The following EVI5 variants were observed in gnomAD, a reference collection of about 807,000 sequenced individuals.
EVI5 encodes ecotropic viral integration site 5 protein homolog.
EVI5 carries 73 observed loss-of-function variants against 112.0 expected under a neutral mutation model. The observed-to-expected ratio is 0.65, with a 90% CI of 0.54 to 0.79. The LOEUF is 0.79. Ranked by LOEUF, EVI5 falls within the 30% of genes least tolerant of loss-of-function variation. EVI5 has a pLI of 0.00. For missense variants in EVI5, 900 were observed against 968.8 expected (o/e 0.93, Z 0.94); for synonymous variants, 305 against 319.9 (o/e 0.95, Z 0.50).
At chr1:92,779,410 C>T (rs1684572669) in intron 1 of EVI5, among the ~76,000 whole-genome samples, 1 of 151,872 alleles carries the variant, frequency 6.6e-6, no homozygotes, top group Non-Finnish European at 1.5e-5. Flanking sequence ...GTAATACCAG[C>T]TACTTGGAGG....
At chr1:92,726,564 GA>G (rs1486216327) in intron 2 of EVI5, among the ~76,000 whole-genome samples, 2 of 151,988 alleles carry the variant, frequency 1.3e-5, no homozygotes, top group Non-Finnish European at 2.9e-5. Flanking sequence ...AAATGTTAAA[GA>G]AAAAGTATTT....
chr1:92,607,409 C>A (rs1650661554), intron 17 of EVI5, 172 bp downstream of exon 17: 1 of 451,090 alleles, frequency 2.2e-6, no homozygotes, highest in East Asian at 3.6e-5. Flanking sequence ...ACCCCAGAAG[C>A]AAGATGAGCT....
rs1674832448 is a variant in EVI5 at position 92,722,024 on chromosome 1, C to T, written c.149+14374G>A. On this transcript the variant is annotated intron_variant, in intron 2 of 19. Coordinates refer to ENST00000684568, the MANE Select transcript of EVI5 (RefSeq NM_001350197.2). ...TAAGTGCTTTACTTTGTCAGTCCTG[C>T]CCCAACTTCATGTCCCACTATTTTA... 2.9e-5 allele frequency among the ~76,000 whole-genome samples: 4 copies of T among 135,772 alleles called. No individual in the cohort carries two copies. In the South Asian group the frequency reaches 1.0e-3, roughly 35 times the overall value. The allele number at this position is 135,772 out of a possible 152,430, so 89.1% of individuals were successfully genotyped here.
chr1:92,544,985 T>C lies in EVI5; in HGVS notation c.2166+18657A>G, dbSNP rs535534914. ...GCATGACATTTCTAGCTGTCCAGCT[T>C]GTGGGGAGTGAAAATCTGACTATCT... is the stretch of plus-strand genomic sequence containing the variant. On this transcript the variant is annotated intron_variant, in intron 19 of 19. Coordinates refer to ENST00000684568, the MANE Select transcript of EVI5 (RefSeq NM_001350197.2). Among the ~76,000 whole-genome samples, 187 of 152,322 alleles carry C rather than the reference T, an allele frequency of 1.2e-3. 6 individuals carry two copies. The South Asian group carries it at 0.037, about 31-fold the overall frequency.
chr1:92,625,901 C>T lies in EVI5; in HGVS notation c.1561G>A (p.Ala521Thr), dbSNP rs202242710. 1.2e-6 allele frequency: 2 copies of T among 1,608,342 alleles called. No individual in the cohort carries two copies. The highest frequency in any genetic ancestry group is 2.7e-5 in the African/African-American group (2 of 74,756). Reference sequence around the variant, plus strand: ...GCAATGAGTTCTTCCTGAAGCCTTGCAATATTATTCTCATCAGGAAGGGAG... The same window carrying T: ...GCAATGAGTTCTTCCTGAAGCCTTGTAATATTATTCTCATCAGGAAGGGAG... ...NNSLPDENNI[A>T]RLQEELIAVK... The change falls in exon 15 of 20, where the codon GCA (alanine) becomes ACA (threonine). Residue 521 changes from alanine (A) to threonine (T), a missense_variant. Coordinates refer to ENST00000684568, the MANE Select transcript of EVI5 (RefSeq NM_001350197.2).
chr1:92,686,613 T>C (rs1040158945), intron 9 of EVI5, among the ~76,000 whole-genome samples: 5 of 152,212 alleles, frequency 3.3e-5, no homozygotes, highest in African/African-American at 9.6e-5. Flanking sequence ...TTGTCCCTGT[T>C]TGCAGATGAC....
chr1:92,630,127 T>C (rs1656660217), intron 14 of EVI5, among the ~76,000 whole-genome samples: 1 of 152,212 alleles, frequency 6.6e-6, no homozygotes, highest in African/African-American at 2.4e-5. Context: ...ACAAGAAACA[T>C]ACGTGTGCAT....
intron 2 of EVI5, among the ~76,000 whole-genome samples, chr1:92,706,781 A>C (rs1201479221): frequency 6.6e-6 from 1 of 152,228 alleles, no homozygotes; most frequent in Non-Finnish European, 1.5e-5. Flanking sequence ...AAAATATCTC[A>C]AGACATTACA....
At chr1:92,754,183 G>C (rs1481108290) in intron 1 of EVI5, among the ~76,000 whole-genome samples, 2 of 152,112 alleles carry the variant, frequency 1.3e-5, no homozygotes, top group Admixed American at 6.6e-5. Context: ...TCAAACATCA[G>C]GCTATCTCAG....
chr1:92,572,693 G>T (rs1182007951), intron 18 of EVI5, among the ~76,000 whole-genome samples: 1 of 151,886 alleles, frequency 6.6e-6, no homozygotes, highest in Non-Finnish European at 1.5e-5. Context: ...GATCTGACTG[G>T]TCAAGTCTAA....
At chr1:92,647,425 T>C in intron 13 of EVI5, 1 of 326,790 alleles carries the variant, frequency 3.1e-6, no homozygotes, top group Non-Finnish European at 6.0e-6. Flanking sequence ...ATCCTGCACC[T>C]TCCAAGCATA....
At chr1:92,700,125 ATAGTCATTCC>A (rs1670921239) in intron 5 of EVI5, among the ~76,000 whole-genome samples, 2 of 152,238 alleles carry the variant, frequency 1.3e-5, no homozygotes, top group Non-Finnish European at 2.9e-5. Flanking sequence ...AAGTTGTTTT[ATAGTCATTCC>A]TTTCCATTAG....
intron 9 of EVI5, among the ~76,000 whole-genome samples, chr1:92,690,601 C>T (rs149742174): frequency 7.2e-5 from 11 of 152,052 alleles, no homozygotes; most frequent in South Asian, 4.2e-4. Context: ...CTGCCTACCT[C>T]GGCCTCCCAA....
intron 16 of EVI5, among the ~76,000 whole-genome samples, chr1:92,608,420 A>G (rs1260531072): frequency 1.3e-5 from 2 of 152,172 alleles, no homozygotes; most frequent in African/African-American, 4.8e-5. Flanking sequence ...AAAAGGTACC[A>G]TCATGGCCAG....
chr1:92,668,756 G>A (rs747377727), intron 10 of EVI5, among the ~76,000 whole-genome samples: 29 of 152,230 alleles, frequency 1.9e-4, no homozygotes, highest in Admixed American at 5.9e-4. Context: ...AGTTAATACA[G>A]ACCATTTCAG....
intron 19 of EVI5, among the ~76,000 whole-genome samples, chr1:92,562,622 T>C (rs1668806136): frequency 6.6e-6 from 1 of 152,214 alleles, no homozygotes; most frequent in Non-Finnish European, 1.5e-5. Context: ...AAAATTGATA[T>C]TTACAGGAAT....
chr1:92,591,732 T>C (rs1277533800), intron 18 of EVI5, among the ~76,000 whole-genome samples: 1 of 152,164 alleles, frequency 6.6e-6, no homozygotes, highest in Admixed American at 6.5e-5. Flanking sequence ...TATCCAGGAA[T>C]TGAACTCAGC....
At position 92,513,507 on chromosome 1, in the gene EVI5, TAA is replaced by T. The variant is rs1218656435; in HGVS notation, c.*147_*148del. 2.6e-5 allele frequency: 5 copies of T among 195,834 alleles called. No homozygotes were observed. Among genetic ancestry groups the T allele is most frequent in the South Asian group, 4.1e-4 (2 of 4,912 alleles). The allele number at this position is 195,834 out of a possible 1,614,324, so 12.1% of individuals were successfully genotyped here. A position where few individuals can be genotyped will look rare whatever the true frequency, so the allele number is the denominator to read the frequency against. On this transcript the variant is annotated 3_prime_UTR_variant, in exon 20 of 20. Coordinates refer to ENST00000684568, the MANE Select transcript of EVI5 (RefSeq NM_001350197.2). ...AAAGATAAAAAGGCAGATAAGACTG[TAA>T]AATATATATATATATATATATATAT... is the stretch of plus-strand genomic sequence containing the variant.
intron 16 of EVI5, among the ~76,000 whole-genome samples, chr1:92,618,404 T>C (rs1214893566): frequency 6.6e-6 from 1 of 152,188 alleles, no homozygotes; most frequent in Non-Finnish European, 1.5e-5. Flanking sequence ...TGTTCCTACC[T>C]TTAAGTCAAC....
Sources: gnomAD v4.1 joint callset for allele counts (sites outside exome capture counted in the v4.1 genomes callset) on GRCh38, gnomAD v4.1.1 for gene constraint, MANE v1.5 for transcripts, NCBI Gene and HGNC (gene_info 2026-07-23, HGNC 2026-07-21) for gene names.